Variants in SEMA3E observed in about 807,000 individuals in gnomAD.
SEMA3E encodes semaphorin 3E, also known as semaphorin-3E.
SEMA3E carries 49 observed loss-of-function variants against 93.6 expected under a neutral mutation model. That is an observed-to-expected ratio of 0.52 (90% CI 0.42 to 0.66). SEMA3E has a LOEUF of 0.66. SEMA3E is among the 30% of genes least tolerant of loss of function. The pLI is 0.00. For synonymous variants in SEMA3E, 363 were observed against 330.7 expected, an observed-to-expected ratio of 1.10 and a Z score of -1.06; for missense variants, 906 against 964.8, an observed-to-expected ratio of 0.94 and a Z score of 0.81.
In SEMA3E at chr7:83,622,652, A is replaced by G. The variant is rs368136459; in HGVS notation, c.115+25776T>C. ...ACACCATGGAATACTATGCAGCCGT[A>G]AAAAGGAATGAGATCATGTCCTTTG... On this transcript the variant is annotated intron_variant, in intron 1 of 16. Coordinates refer to ENST00000643230, the MANE Select transcript of SEMA3E (RefSeq NM_012431.3). Among the ~76,000 whole-genome samples, 12 of 152,350 alleles carry G rather than the reference A, an allele frequency of 7.9e-5. 1 individual carries two copies. The highest frequency in any genetic ancestry group is 6.5e-5 in the Admixed American group (1 of 15,306).
chr7:83,529,551 A>G (rs867930345), intron 1 of SEMA3E, among the ~76,000 whole-genome samples: 1 of 152,170 alleles, frequency 6.6e-6, no homozygotes, highest in Admixed American at 6.5e-5. Context: ...CAGGTAATCT[A>G]TGCATACGAA....
intron 1 of SEMA3E, among the ~76,000 whole-genome samples, chr7:83,604,427 C>CTATA (rs35138725): frequency 2.7e-5 from 4 of 148,834 alleles, no homozygotes; most frequent in Non-Finnish European, 5.9e-5. Flanking sequence ...TTTTCTCTCT[C>CTATA]TATATATATA....
At chr7:83,577,364 T>G (rs1792427803) in intron 1 of SEMA3E, among the ~76,000 whole-genome samples, 1 of 152,188 alleles carries the variant, frequency 6.6e-6, no homozygotes, top group Admixed American at 6.5e-5. Flanking sequence ...ATTACTCTTT[T>G]AACTGAAGTT....
chr7:83,512,326 C>T (rs1311570704), intron 1 of SEMA3E, among the ~76,000 whole-genome samples: 1 of 152,172 alleles, frequency 6.6e-6, no homozygotes, highest in Admixed American at 6.5e-5. Flanking sequence ...CTCAAGCTAG[C>T]AACCCCACGT....
intron 4 of SEMA3E, among the ~76,000 whole-genome samples, chr7:83,428,972 G>A (rs1051299306): frequency 6.6e-6 from 1 of 152,068 alleles, no homozygotes; most frequent in Non-Finnish European, 1.5e-5. Flanking sequence ...TTCATTTGCA[G>A]TTTTACCCAC....
chr7:83,516,172 A>C lies in SEMA3E; in HGVS notation c.116-25898T>G, dbSNP rs373790834. Among the ~76,000 whole-genome samples the C allele has an allele frequency of 3.9e-5, 6 of 152,202 alleles. No homozygotes were observed. The East Asian group carries it at 7.7e-4, about 20-fold the overall frequency. On this transcript the variant is annotated intron_variant, in intron 1 of 16. Transcript: ENST00000643230. ...CCATATAAGTAATCCTTTTCTACTTAGTTTTATTCATTAATTTAATATGTA... is the reference window on the plus strand; with the variant it reads ...CCATATAAGTAATCCTTTTCTACTTCGTTTTATTCATTAATTTAATATGTA...
intron 1 of SEMA3E, among the ~76,000 whole-genome samples, chr7:83,590,291 T>C (rs999580970): frequency 6.6e-6 from 1 of 152,140 alleles, no homozygotes; most frequent in Non-Finnish European, 1.5e-5. Flanking sequence ...TAGAAAAGGG[T>C]ATTAAAAACC....
intron 4 of SEMA3E, among the ~76,000 whole-genome samples, chr7:83,458,973 G>GTGTGTA (rs57694179): frequency 4.6e-4 from 65 of 140,616 alleles, no homozygotes; most frequent in East Asian, 2.6e-3. Context: ...GTGTGTGTGT[G>GTGTGTA]TATATATATA....
chr7:83,603,652 GAGAT>G (rs1346572291), intron 1 of SEMA3E, among the ~76,000 whole-genome samples: 2 of 152,130 alleles, frequency 1.3e-5, no homozygotes, highest in African/African-American at 4.8e-5. Context: ...TAACAGCAGT[GAGAT>G]AGATATAGTT....
intron 1 of SEMA3E, among the ~76,000 whole-genome samples, chr7:83,608,073 A>G (rs1299712247): frequency 2.6e-5 from 4 of 151,982 alleles, no homozygotes; most frequent in Admixed American, 2.0e-4. Context: ...TTAGCTGGGC[A>G]TGGTGACATG....
At chr7:83,516,843 A>G (rs1007939181) in intron 1 of SEMA3E, among the ~76,000 whole-genome samples, 6 of 151,940 alleles carry the variant, frequency 3.9e-5, no homozygotes, top group Admixed American at 2.6e-4. Context: ...TGCTTTTACC[A>G]GTACCTTCCA....
intron 13 of SEMA3E, among the ~76,000 whole-genome samples, chr7:83,392,957 T>C (rs1788046942): frequency 6.7e-6 from 1 of 149,292 alleles, no homozygotes; most frequent in East Asian, 2.0e-4. Flanking sequence ...TAATCTCAGC[T>C]ACTCTGGAGG....
chr7:83,425,039 G>T, intron 4 of SEMA3E: 1 of 183,412 alleles, frequency 5.5e-6, no homozygotes. Flanking sequence ...CATTTTGGGG[G>T]TAACTGTCAT....
chr7:83,548,327 C>T (rs1437179757), intron 1 of SEMA3E, among the ~76,000 whole-genome samples: 1 of 152,076 alleles, frequency 6.6e-6, no homozygotes, highest in Non-Finnish European at 1.5e-5. Flanking sequence ...TTGCTAGAAA[C>T]AAGTCAAGGT....
chr7:83,607,778 T>C (rs1195078162), intron 1 of SEMA3E, among the ~76,000 whole-genome samples: 1 of 152,126 alleles, frequency 6.6e-6, no homozygotes, highest in Non-Finnish European at 1.5e-5. Context: ...GAGAGCCTTT[T>C]TCTAGGAAAG....
intron 1 of SEMA3E, among the ~76,000 whole-genome samples, chr7:83,492,398 T>C (rs1790405282): frequency 6.6e-6 from 1 of 152,022 alleles, no homozygotes; most frequent in African/African-American, 2.4e-5. Context: ...AACTTTTACT[T>C]GCTTTTATGA....
chr7:83,387,128 A>G (rs1472300016), intron 14 of SEMA3E, 78 bp from the exon 15 acceptor site: 1 of 1,153,008 alleles, frequency 8.7e-7, no homozygotes, highest in Non-Finnish European at 1.3e-6. Flanking sequence ...TGCATTTCAT[A>G]TACAAGTAGT....
intron 4 of SEMA3E, among the ~76,000 whole-genome samples, chr7:83,442,555 A>G (rs12536989): frequency 6.6e-6 from 1 of 152,172 alleles, no homozygotes. Flanking sequence ...TTCCCAAAGA[A>G]AAACACCATC....
chr7:83,614,381 G>A (rs42023), intron 1 of SEMA3E, among the ~76,000 whole-genome samples: 1 of 151,834 alleles, frequency 6.6e-6, no homozygotes, highest in Non-Finnish European at 1.5e-5. Context: ...TTCACCACAT[G>A]TACTTTAGAG....
Sources: gnomAD v4.1 joint callset for allele counts (sites outside exome capture counted in the v4.1 genomes callset) on GRCh38, gnomAD v4.1.1 for gene constraint, MANE v1.5 for transcripts, NCBI Gene and HGNC (gene_info 2026-07-23, HGNC 2026-07-21) for gene names.